Variants in DENND5B observed in about 807,000 individuals in gnomAD.
The protein encoded by DENND5B is DENN domain-containing protein 5B.
A neutral mutation model predicts 140.6 loss-of-function variants in DENND5B; 34 were observed. The observed-to-expected ratio is 0.24, with a 90% CI of 0.18 to 0.32. The LOEUF is 0.32. DENND5B is among the 10% of genes least tolerant of loss of function. DENND5B has a pLI of 1.00. For synonymous variants in DENND5B, 551 were observed against 562.1 expected (o/e 0.98, Z 0.28); for missense variants, 1,142 against 1,560.2 (o/e 0.73, Z 4.52).
intron 1 of DENND5B, among the ~76,000 whole-genome samples, chr12:31,561,854 A>C (rs1649710231): frequency 6.6e-6 from 1 of 152,226 alleles, no homozygotes; most frequent in Admixed American, 6.5e-5. Flanking sequence ...TAATAGATTC[A>C]TCAATCATGC....
rs2137224589 is a variant in DENND5B, at chr12:31,386,417, CT to C, written c.*1185del. Reference sequence around the variant, plus strand: ...CTTGCTTTGCTTCCATTTTGTCAGCCTGTGCTGCCAGTGGCTTTTAGCTTCT... The same window carrying C: ...CTTGCTTTGCTTCCATTTTGTCAGCCGTGCTGCCAGTGGCTTTTAGCTTCT... On this transcript the variant is annotated 3_prime_UTR_variant, in exon 21 of 21. Transcript: ENST00000389082. 1 of 152,744 alleles carries C rather than the reference CT, an allele frequency of 6.5e-6. No homozygotes were observed. Among genetic ancestry groups the C allele is most frequent in the South Asian group, 2.1e-4 (1 of 4,838 alleles). The allele number at this position is 152,744 out of a possible 1,614,324, so 9.5% of individuals were successfully genotyped here.
At position 31,413,441 on chromosome 12, in the gene DENND5B, G is replaced by A. The variant is rs1290614460; in HGVS notation, c.2676C>T (p.Leu892=). 2 of 1,612,116 alleles carry A rather than the reference G, an allele frequency of 1.2e-6. No homozygotes were observed. Among genetic ancestry groups the A allele is most frequent in the African/African-American group, 1.3e-5 (1 of 74,880 alleles). ...HLKQLLSNQP[L]TKKLYKRYAF... is the part of the protein sequence containing the mutation. ...TATCAAAGATGGTATCTTACTTGGT[G>A]AGTGGTTGGTTAGAAAGCAACTGCT... The change falls in exon 13 of 21, where the codon CTC becomes CTT. Residue 892 remains leucine, a synonymous_variant. Transcript: ENST00000389082.
intron 16 of DENND5B, among the ~76,000 whole-genome samples, chr12:31,398,597 C>A (rs377549094): frequency 2.0e-5 from 3 of 151,686 alleles, no homozygotes; most frequent in Non-Finnish European, 4.4e-5. Flanking sequence ...CCACTGCACC[C>A]GGTCAGAATA....
intron 20 of DENND5B, among the ~76,000 whole-genome samples, chr12:31,388,171 T>G (rs1232570160): frequency 3.3e-5 from 5 of 150,058 alleles, no homozygotes; most frequent in Non-Finnish European, 7.4e-5. Context: ...TGGCAAGGCA[T>G]GCCACAGTAT....
At chr12:31,535,347 G>A (rs578095156) in intron 1 of DENND5B, 29 of 159,358 alleles carry the variant, frequency 1.8e-4, no homozygotes, top group Non-Finnish European at 3.0e-4. Flanking sequence ...GTAGCCACAG[G>A]GGTGACTCTG....
At chr12:31,476,706 G>A (rs1055138695) in intron 3 of DENND5B, among the ~76,000 whole-genome samples, 1 of 152,104 alleles carries the variant, frequency 6.6e-6, no homozygotes, top group Non-Finnish European at 1.5e-5. Context: ...TGTGAGCTGA[G>A]GAGTTTGAGG....
rs1192795142 is a variant in DENND5B, at chr12:31,479,675, TC to T, written c.817del (p.Glu273ArgfsTer8). Reference protein sequence around the residue: ...ELPLSDYPLREAFELLGLENL... With the variant: ...ELPLSDYPLRXAFELLGLENL... ...CTCTAATCCCAGGAGCTCAAATGCC[TC>T]CCGAAGGGGGTAATCAGAGAGGGGG... is the stretch of plus-strand genomic sequence containing the variant. On this transcript the variant is annotated frameshift_variant, in exon 3 of 21. Coordinates refer to ENST00000389082, the MANE Select transcript of DENND5B (RefSeq NM_144973.4). LOFTEE classifies it high-confidence loss of function. 6.3e-7 allele frequency: 1 copy of T among 1,582,750 alleles called. No homozygotes were observed. Among genetic ancestry groups the T allele is most frequent in the African/African-American group, 1.3e-5 (1 of 74,158 alleles).
chr12:31,483,681 G>A (rs1178713440), intron 2 of DENND5B, among the ~76,000 whole-genome samples: 2 of 151,056 alleles, frequency 1.3e-5, no homozygotes, highest in Admixed American at 1.3e-4. Flanking sequence ...CTCATGATCC[G>A]CCTGCTTCGT....
intron 11 of DENND5B, among the ~76,000 whole-genome samples, chr12:31,415,865 C>T (rs1271534714): frequency 2.6e-5 from 4 of 151,142 alleles, no homozygotes; most frequent in Non-Finnish European, 5.9e-5. Flanking sequence ...GATGGAGTTT[C>T]GCTCTTGTTC....
chr12:31,566,893 G>C (rs902832927), intron 1 of DENND5B, among the ~76,000 whole-genome samples: 6 of 152,148 alleles, frequency 3.9e-5, no homozygotes, highest in Non-Finnish European at 7.4e-5. Flanking sequence ...GGGTTCGGTG[G>C]AGTGTGCCTG....
intron 7 of DENND5B, among the ~76,000 whole-genome samples, chr12:31,434,891 GA>G (rs1285846188): frequency 6.6e-6 from 1 of 152,064 alleles, no homozygotes; most frequent in African/African-American, 2.4e-5. Flanking sequence ...CTCTACCTCA[GA>G]AATCCTGAAC....
intron 7 of DENND5B, among the ~76,000 whole-genome samples, chr12:31,442,308 C>A (rs1388084353): frequency 6.6e-6 from 1 of 152,176 alleles, no homozygotes; most frequent in Non-Finnish European, 1.5e-5. Flanking sequence ...TCCCTAGAAG[C>A]CTCGAAGGGA....
intron 1 of DENND5B, among the ~76,000 whole-genome samples, chr12:31,569,109 C>G (rs1298172880): frequency 6.9e-6 from 1 of 144,646 alleles, no homozygotes; most frequent in Non-Finnish European, 1.5e-5. Flanking sequence ...CTGTGTCACC[C>G]AGGCTGGAGT....
intron 1 of DENND5B, among the ~76,000 whole-genome samples, chr12:31,581,693 C>A (rs1338238114): frequency 1.6e-3 from 189 of 119,016 alleles, no homozygotes; most frequent in South Asian, 2.3e-3. Flanking sequence ...AACTCTGTCT[C>A]AAAAAAAAAA....
chr12:31,488,784 G>T (rs986950962), intron 2 of DENND5B, among the ~76,000 whole-genome samples: 2 of 152,018 alleles, frequency 1.3e-5, no homozygotes, highest in African/African-American at 4.8e-5. Context: ...TGTTTATCAC[G>T]GTATTAAACA....
intron 2 of DENND5B, among the ~76,000 whole-genome samples, chr12:31,485,592 T>C (rs1210806014): frequency 6.6e-6 from 1 of 152,242 alleles, no homozygotes; most frequent in African/African-American, 2.4e-5. Context: ...CACAATTTTA[T>C]TTATAAAAAC....
rs1249502387 is a variant in DENND5B, at chr12:31,384,075, C to G, written c.*3528G>C. ...AAGATGCCTCTATGTGGGTATGGTCCTTCCAAAAGTCAGCTTAAAAGTCAA... is the reference window on the plus strand; with the variant it reads ...AAGATGCCTCTATGTGGGTATGGTCGTTCCAAAAGTCAGCTTAAAAGTCAA... On this transcript the variant is annotated 3_prime_UTR_variant, in exon 21 of 21. Coordinates refer to ENST00000389082, the MANE Select transcript of DENND5B (RefSeq NM_144973.4). The G allele has an allele frequency of 6.6e-6, 1 of 152,014 alleles. No homozygotes were observed. Among genetic ancestry groups the G allele is most frequent in the Non-Finnish European group, 1.5e-5 (1 of 68,042 alleles). The allele number at this position is 152,014 out of a possible 1,614,324, so 9.4% of individuals were successfully genotyped here.
At chr12:31,460,765 G>A (rs1944978576) in intron 3 of DENND5B, among the ~76,000 whole-genome samples, 1 of 152,138 alleles carries the variant, frequency 6.6e-6, no homozygotes, top group East Asian at 1.9e-4. Flanking sequence ...TCGCTTTGTT[G>A]CCCAAGCTGG....
intron 1 of DENND5B, among the ~76,000 whole-genome samples, chr12:31,540,672 C>CA (rs1190833043): frequency 3.0e-4 from 42 of 141,092 alleles, no homozygotes; most frequent in Admixed American, 6.4e-4. Context: ...ACCCCCCCAC[C>CA]AAAAAAAAAA....
Sources: allele counts gnomAD v4.1 joint callset (sites outside exome capture counted in the v4.1 genomes callset), GRCh38; gene constraint gnomAD v4.1.1; transcripts MANE v1.5; gene names NCBI Gene and HGNC (gene_info 2026-07-23, HGNC 2026-07-21).